SPNS2: variants seen among roughly 807,000 people sequenced by gnomAD.
SPNS2 encodes sphingosine-1-phosphate transporter SPNS2.
Under a neutral mutation model 57.6 loss-of-function variants are expected in SPNS2, and 37 were observed. That is an observed-to-expected ratio of 0.64 (90% CI 0.49 to 0.85). The LOEUF (loss-of-function observed/expected upper bound fraction) is 0.85, where lower values mean the gene tolerates loss of function less well. Among genes scored for constraint, SPNS2 ranks in the 40% least tolerant of loss-of-function variants. SPNS2 has a pLI of 0.00. For missense variants in SPNS2, 831 were observed against 779.1 expected, an observed-to-expected ratio of 1.07 and a Z score of -0.79; for synonymous variants, 440 against 346.9, an observed-to-expected ratio of 1.27 and a Z score of -2.98.
intron 5 of SPNS2, among the ~76,000 whole-genome samples, chr17:4,532,160 G>A (rs1208264666): frequency 5.9e-5 from 4 of 68,058 alleles, no homozygotes; most frequent in Admixed American, 4.0e-4. Context: ...CCATCCGTCT[G>A]TCCATCTGTC....
Position 4,499,195 on chromosome 17 carries a change from G to A in SPNS2, c.148G>A (p.Val50Ile). 4 of 1,371,768 alleles carry A rather than the reference G, an allele frequency of 2.9e-6. No individual in the cohort carries two copies. Among genetic ancestry groups the A allele is most frequent in the Non-Finnish European group, 2.8e-6 (3 of 1,062,702 alleles). 85.0% of individuals were successfully genotyped at this position (1,371,768 alleles called of 1,614,324 possible). A position where few individuals can be genotyped will look rare whatever the true frequency, so the allele number is the denominator to read the frequency against. Reference protein sequence around the residue: ...CGARGAGGAGVSAAGDEVQTL... With the variant: ...CGARGAGGAGISAAGDEVQTL... ...GGCGCGGGGCGCGGGCGGCGCTGGA[G>A]TCTCGGCCGCGGGCGATGAGGTGCA... The change falls in exon 1 of 13, where the codon GTC (valine) becomes ATC (isoleucine). Residue 50 changes from valine (V) to isoleucine (I), a missense_variant. Physicochemically the swap from Val to Ile is conservative, Grantham distance 29. Coordinates refer to ENST00000329078, the MANE Select transcript of SPNS2 (RefSeq NM_001124758.3). The surrounding 1 kb of genome is among the most constrained non-coding windows in gnomAD (Gnocchi z 5.2).
intron 1 of SPNS2, among the ~76,000 whole-genome samples, chr17:4,508,340 G>A (rs1338032410): frequency 5.9e-5 from 9 of 152,208 alleles, no homozygotes; most frequent in Admixed American, 3.9e-4. Context: ...TGGGCAGTGC[G>A]TTTATAGATT....
chr17:4,538,728 CT>C lies in SPNS2; in HGVS notation c.*1282del, dbSNP rs1427569282. 7.5e-6 allele frequency: 5 copies of C among 667,058 alleles called. No individual in the cohort carries two copies. Among genetic ancestry groups the C allele is most frequent in the Non-Finnish European group, 1.3e-5 (5 of 374,728 alleles). 41.3% of individuals were successfully genotyped at this position (667,058 alleles called of 1,614,324 possible). Reference sequence around the variant, plus strand: ...CCCCTTAGTTACTGGCTGGCTGTGGCTTCAGTGGTGTGTAAGCAGGTGGAAT... The same window carrying C: ...CCCCTTAGTTACTGGCTGGCTGTGGCTCAGTGGTGTGTAAGCAGGTGGAAT... On this transcript the variant is annotated 3_prime_UTR_variant, in exon 13 of 13. Coordinates refer to ENST00000329078, the MANE Select transcript of SPNS2 (RefSeq NM_001124758.3).
At chr17:4,508,800 G>A (rs772792180) in intron 1 of SPNS2, among the ~76,000 whole-genome samples, 13 of 152,230 alleles carry the variant, frequency 8.5e-5, no homozygotes, top group Non-Finnish European at 1.6e-4. Context: ...AGGGGTCTGG[G>A]CCAGTGGATC....
rs1906012575 is a variant in SPNS2, at chr17:4,538,594, G to A, written c.*1146G>A. 7.1e-6 allele frequency: 3 copies of A among 423,892 alleles called. No homozygotes were observed. The highest frequency in any genetic ancestry group is 2.0e-5 in the African/African-American group (1 of 49,414). The allele number at this position is 423,892 out of a possible 1,614,324, so 26.3% of individuals were successfully genotyped here. On this transcript the variant is annotated 3_prime_UTR_variant, in exon 13 of 13. Coordinates refer to ENST00000329078, the MANE Select transcript of SPNS2 (RefSeq NM_001124758.3). ...TAGCCCCCTGCGTCACCCACTCCCT[G>A]CACTTCTGCTGCAATCAAGGTGGTT...
rs184973965 is a variant in SPNS2 at position 4,522,703 on chromosome 17, C to T, written c.437-2354C>T. Among the ~76,000 whole-genome samples, 88 of 152,356 alleles carry T rather than the reference C, an allele frequency of 5.8e-4. No homozygotes were observed. In the East Asian group the frequency reaches 0.015, roughly 26 times the overall value. ...CAACTGGCTGCCATGTCTGTCACTC[C>T]CAGCCTTTGTCTGGCCATCTGCCCA... On this transcript the variant is annotated intron_variant, in intron 2 of 12. Transcript: ENST00000329078.
At chr17:4,518,290 T>C (rs11078513) in intron 2 of SPNS2, among the ~76,000 whole-genome samples, 148,867 of 152,104 alleles carry the variant, frequency 0.98, 72,933 homozygotes, top group Non-Finnish European at 1. Flanking sequence ...TTTGGGAGGC[T>C]GAGGCGGGTG....
At position 4,510,317 on chromosome 17, in the gene SPNS2, A is replaced by G. The variant is rs975950079; in HGVS notation, c.371-2930A>G. ...TGGTGGGACGGGAGCAGGCCATGTT[A>G]TCCAAAAGCTTCCTGTGTCCTGGGA... is the stretch of plus-strand genomic sequence containing the variant. On this transcript the variant is annotated intron_variant, in intron 1 of 12. Coordinates refer to ENST00000329078, the MANE Select transcript of SPNS2 (RefSeq NM_001124758.3). The surrounding 1 kb of genome is among the most constrained non-coding windows in gnomAD (Gnocchi z 4.4). 6.6e-6 allele frequency among the ~76,000 whole-genome samples: 1 copy of G among 152,140 alleles called. No homozygotes were observed. Among genetic ancestry groups the G allele is most frequent in the Non-Finnish European group, 1.5e-5 (1 of 68,024 alleles).
chr17:4,537,679 A>G lies in SPNS2; in HGVS notation c.*231A>G. On this transcript the variant is annotated 3_prime_UTR_variant, in exon 13 of 13. Transcript: ENST00000329078. ...GAGCCACACGGTTGGACAGGTTCCC[A>G]GCCCTAGGTTTGGGCCGCAGGGCCC... The G allele has an allele frequency of 2.2e-6, 1 of 456,784 alleles. No homozygotes were observed. Among genetic ancestry groups the G allele is most frequent in the Non-Finnish European group, 4.4e-6 (1 of 226,974 alleles). 28.3% of individuals were successfully genotyped at this position (456,784 alleles called of 1,614,324 possible).
chr17:4,524,576 C>G (rs1250968869), intron 2 of SPNS2, among the ~76,000 whole-genome samples: 2 of 152,200 alleles, frequency 1.3e-5, no homozygotes, highest in Admixed American at 6.5e-5. Context: ...GCCAGCTACT[C>G]AGGAGGCTGA....
intron 4 of SPNS2, 117 bp from the exon 5 acceptor site, chr17:4,530,936 G>A: frequency 1.4e-6 from 2 of 1,480,438 alleles, no homozygotes; most frequent in Non-Finnish European, 1.8e-6. Flanking sequence ...TCCTGGACCT[G>A]CTCCCTGGCC....
In SPNS2 at chr17:4,510,485, A is replaced by C. The variant is rs751595872; in HGVS notation, c.371-2762A>C. On this transcript the variant is annotated intron_variant, in intron 1 of 12. Transcript: ENST00000329078. This position sits in a 1 kb window ranked among gnomAD's most constrained non-coding sequence, Gnocchi z 4.4. ...AAATCCTGGACCTTGAAGTCATCGG[A>C]TGGGGAAGTGTGCCGCTGGATAGCT... Among the ~76,000 whole-genome samples the C allele has an allele frequency of 2.8e-4, 43 of 152,094 alleles. No homozygotes were observed. The highest frequency in any genetic ancestry group is 5.9e-5 in the Non-Finnish European group (4 of 68,004).
intron 1 of SPNS2, among the ~76,000 whole-genome samples, chr17:4,504,242 C>A (rs1326627104): frequency 6.6e-6 from 1 of 152,222 alleles, no homozygotes; most frequent in Non-Finnish European, 1.5e-5. Flanking sequence ...GTGTGAGGGG[C>A]AGGGCATCCA....
At chr17:4,502,200 A>AT (rs1555535272) in intron 1 of SPNS2, among the ~76,000 whole-genome samples, 2 of 150,816 alleles carry the variant, frequency 1.3e-5, no homozygotes, top group South Asian at 2.1e-4. Flanking sequence ...ACATGGTGAA[A>AT]CCCCCCATCT....
intron 3 of SPNS2, among the ~76,000 whole-genome samples, chr17:4,530,308 T>C (rs1905407376): frequency 1.3e-5 from 2 of 151,806 alleles, no homozygotes; most frequent in Non-Finnish European, 2.9e-5. Context: ...GTTGGTGGAG[T>C]AGTGGAGACA....
intron 2 of SPNS2, among the ~76,000 whole-genome samples, chr17:4,515,673 C>T (rs1251465387): frequency 6.6e-6 from 1 of 152,246 alleles, no homozygotes; most frequent in Non-Finnish European, 1.5e-5. Flanking sequence ...GGCCTGTGTC[C>T]CAGGCACCTG....
intron 5 of SPNS2, among the ~76,000 whole-genome samples, chr17:4,531,558 C>T (rs186767908): frequency 2.0e-5 from 3 of 152,256 alleles, no homozygotes; most frequent in Admixed American, 2.0e-4. Context: ...GGCAAGTTAC[C>T]AAGGCCCCAG....
chr17:4,533,703 C>T, intron 8 of SPNS2, 85 bp from the exon 9 acceptor site: 1 of 1,489,464 alleles, frequency 6.7e-7, no homozygotes, highest in Non-Finnish European at 9.3e-7. Context: ...GGGCTCCCTG[C>T]CAGCAGCCAG....
Position 4,511,313 on chromosome 17 carries a change from G to A in SPNS2, c.371-1934G>A, listed in dbSNP as rs1904824045. Among the ~76,000 whole-genome samples the A allele has an allele frequency of 6.6e-6, 1 of 152,226 alleles. No homozygotes were observed. The highest frequency in any genetic ancestry group is 2.4e-5 in the African/African-American group (1 of 41,470). ...CTGGCCTTGAAGAAGTGGCAGGAGT[G>A]AGCCTGGTTGACGGAGTTGTACCAG... On this transcript the variant is annotated intron_variant, in intron 1 of 12. Coordinates refer to ENST00000329078, the MANE Select transcript of SPNS2 (RefSeq NM_001124758.3). This position sits in a 1 kb window ranked among gnomAD's most constrained non-coding sequence, Gnocchi z 4.6.
Sources: allele counts gnomAD v4.1 joint callset (sites outside exome capture counted in the v4.1 genomes callset), GRCh38; gene constraint gnomAD v4.1.1; non-coding constraint Gnocchi (gnomAD v3.1); transcripts MANE v1.5; gene names NCBI Gene and HGNC (gene_info 2026-07-23, HGNC 2026-07-21).